Variants in UNKL observed in about 807,000 individuals in gnomAD.
UNKL encodes the protein putative E3 ubiquitin-protein ligase UNKL.
In UNKL, 60 loss-of-function variants were observed where a neutral mutation model predicts 78.0. The observed-to-expected ratio is 0.77, with a 90% CI of 0.63 to 0.95. The LOEUF (loss-of-function observed/expected upper bound fraction) is 0.95. Among genes scored for constraint, UNKL ranks in the 40% least tolerant of loss-of-function variants. UNKL has a pLI of 0.00. For missense variants in UNKL, 1,159 were observed against 1,045.7 expected (o/e 1.11, Z -1.49); for synonymous variants, 608 against 474.8 (o/e 1.28, Z -3.65).
In UNKL at chr16:1,371,082, CA is replaced by C. The variant is rs764163064; in HGVS notation, c.1357+436del. 6.3e-3 allele frequency among the ~76,000 whole-genome samples: 428 copies of C among 67,992 alleles called. 2 individuals carry two copies. Among genetic ancestry groups the C allele is most frequent in the African/African-American group, 8.9e-3 (203 of 22,868 alleles). The allele number at this position is 67,992 out of a possible 152,430, so 44.6% of individuals were successfully genotyped here. A position where few individuals can be genotyped will look rare whatever the true frequency, so the allele number is the denominator to read the frequency against. On this transcript the variant is annotated intron_variant, in intron 11 of 14. Coordinates refer to ENST00000389221, the MANE Select transcript of UNKL (RefSeq NM_001372107.1). ...TGGGCGACAGAGCGAGGCTCTGTCTCAAAAAAAAAAAAAAAAAAAAAGATAC... is the reference window on the plus strand; with the variant it reads ...TGGGCGACAGAGCGAGGCTCTGTCTCAAAAAAAAAAAAAAAAAAAAGATAC...
chr16:1,401,743 G>A, intron 3 of UNKL, 42 bp from the exon 4 acceptor site: 3 of 1,572,742 alleles, frequency 1.9e-6, no homozygotes, highest in Non-Finnish European at 2.6e-6. Context: ...TGCATCTGGA[G>A]CCTCCAAAGC....
At position 1,363,564 on chromosome 16, in the gene UNKL, C is replaced by T. The variant is rs550237556; in HGVS notation, c.*2676G>A. 9.3e-4 allele frequency: 205 copies of T among 219,598 alleles called. No individual in the cohort carries two copies. Among genetic ancestry groups the T allele is most frequent in the African/African-American group, 4.4e-3 (189 of 42,902 alleles). The allele number at this position is 219,598 out of a possible 1,614,324, so 13.6% of individuals were successfully genotyped here. A position where few individuals can be genotyped will look rare whatever the true frequency, so the allele number is the denominator to read the frequency against. ...GGCAACAAGAACATGCAGAGCCGGC[C>T]GCCAGCCAGCTCCTACGCCCCGTGC... On this transcript the variant is annotated 3_prime_UTR_variant, in exon 15 of 15. Coordinates refer to ENST00000389221, the MANE Select transcript of UNKL (RefSeq NM_001372107.1).
At position 1,366,020 on chromosome 16, in the gene UNKL, T is replaced by C. The variant is rs893461899; in HGVS notation, c.*220A>G. The stretch of plus-strand genomic sequence containing the variant: ...TTTAAGGTTTTTGAGGAAAATACCT[T>C]GAAACCGTCGGTAGGACTAGATAGG... On this transcript the variant is annotated 3_prime_UTR_variant, in exon 15 of 15. Coordinates refer to ENST00000389221, the MANE Select transcript of UNKL (RefSeq NM_001372107.1). The C allele has an allele frequency of 6.2e-6, 3 of 481,790 alleles. No homozygotes were observed. Among genetic ancestry groups the C allele is most frequent in the Non-Finnish European group, 1.0e-5 (3 of 287,178 alleles). 29.8% of individuals were successfully genotyped at this position (481,790 alleles called of 1,614,324 possible).
At position 1,366,413 on chromosome 16, in the gene UNKL, T is replaced by A; in HGVS notation, c.2047-18A>T. 1 of 1,564,254 alleles carries A rather than the reference T, an allele frequency of 6.4e-7. No homozygotes were observed. On this transcript the variant is annotated intron_variant, in intron 14 of 14. Transcript: ENST00000389221. ...AAGATCACCTGCAGGGCCAGAACAATGACGGGCTCAGGAGGCCCCTGCCCA... is the reference window on the plus strand; with the variant it reads ...AAGATCACCTGCAGGGCCAGAACAAAGACGGGCTCAGGAGGCCCCTGCCCA...
At chr16:1,404,200 CAAGGGCCAAG>C (rs2037651700) in intron 2 of UNKL, among the ~76,000 whole-genome samples, 1 of 152,178 alleles carries the variant, frequency 6.6e-6, no homozygotes, top group Non-Finnish European at 1.5e-5. Flanking sequence ...CTGAGTGGCC[CAAGGGCCAAG>C]GCAGAGGATG....
At chr16:1,396,491 G>A (rs139904361) in intron 6 of UNKL, among the ~76,000 whole-genome samples, 16 of 149,244 alleles carry the variant, frequency 1.1e-4, no homozygotes, top group African/African-American at 4.0e-4. Context: ...GACCAGGCTG[G>A]TTTCGAACCC....
Position 1,367,101 on chromosome 16 carries a change from C to A in UNKL, c.2037G>T (p.Ala679=), listed in dbSNP as rs1317737822. ...LQSQLRLDLE[A]VDGVIFQLRA... ...CCAGAGCAGGACTCACGCCGTCCAC[C>A]GCCTCCAGGTCCAGGCGCAGCTGAC... Residue 679 remains alanine (A), a synonymous_variant, in exon 14 of 15, where the codon GCG becomes GCT. Coordinates refer to ENST00000389221, the MANE Select transcript of UNKL (RefSeq NM_001372107.1). The A allele has an allele frequency of 6.4e-6, 10 of 1,567,916 alleles. No individual in the cohort carries two copies. The highest frequency in any genetic ancestry group is 5.4e-5 in the Admixed American group (3 of 55,610).
intron 6 of UNKL, chr16:1,395,783 C>A (rs531594338): frequency 2.4e-4 from 108 of 456,148 alleles, no homozygotes; most frequent in Non-Finnish European, 4.2e-4. Flanking sequence ...ACACAGAAAA[C>A]GCCCCGGACA....
At chr16:1,386,695 A>C (rs533961973) in intron 9 of UNKL, among the ~76,000 whole-genome samples, 1 of 152,338 alleles carries the variant, frequency 6.6e-6, no homozygotes, top group East Asian at 1.9e-4. Flanking sequence ...TCCATAATGA[A>C]GAAATTTTAA....
At chr16:1,397,341 C>CCCACCACCCCCAT (rs2037318531) in intron 5 of UNKL, 46 bp from the exon 6 acceptor site, 1 of 65,432 alleles carries the variant, frequency 1.5e-5, no homozygotes, top group African/African-American at 2.7e-4. Context: ...CTTGGCTCCC[C>CCCACCACCCCCAT]GCCCCCCACC....
intron 14 of UNKL, 103 bp from the exon 15 acceptor site, chr16:1,366,498 C>T: frequency 2.2e-6 from 3 of 1,379,168 alleles, no homozygotes; most frequent in Non-Finnish European, 2.9e-6. Flanking sequence ...CTCAGGCCGC[C>T]CGGCCACCAG....
Position 1,397,246 on chromosome 16 carries a change from A to G in UNKL, c.784T>C (p.Ser262Pro). Residue 262 changes from serine (S) to proline (P), a missense_variant, in exon 6 of 15, where the codon TCA becomes CCA. By Grantham distance (74) the Ser-to-Pro change is moderately conservative. Transcript: ENST00000389221. Reference protein sequence around the residue: ...VKHGDEWGEPSRCDGGDGCQY... With the variant: ...VKHGDEWGEPPRCDGGDGCQY... ...CAGCCGTCGCCGCCATCGCAGCGTG[A>G]GGGTTCCCCCCACTCATCCCCGTGC... The G allele has an allele frequency of 1.3e-6, 2 of 1,542,872 alleles. No individual in the cohort carries two copies. Among genetic ancestry groups the G allele is most frequent in the Non-Finnish European group, 1.7e-6 (2 of 1,146,912 alleles).
rs764337823 is a variant in UNKL, at chr16:1,403,890, C to T, written c.288-546G>A. Among the ~76,000 whole-genome samples the T allele has an allele frequency of 1.6e-4, 25 of 152,070 alleles. No individual in the cohort carries two copies. The highest frequency in any genetic ancestry group is 3.1e-4 in the Non-Finnish European group (21 of 68,010). On this transcript the variant is annotated intron_variant, in intron 2 of 14. Coordinates refer to ENST00000389221, the MANE Select transcript of UNKL (RefSeq NM_001372107.1). The surrounding 1 kb of genome is among the most constrained non-coding windows in gnomAD (Gnocchi z 4.8). ...GATGGGCAGAAGAGGCGGCAGATGG[C>T]GTGGTGGGGAACACAGGTGAGGTAG...
At chr16:1,378,964 G>A (rs1458210355) in intron 10 of UNKL, 1 of 152,274 alleles carries the variant, frequency 6.6e-6, no homozygotes, top group African/African-American at 2.4e-5. Context: ...CTCAAAGAAA[G>A]AGCTGACCCT....
Position 1,414,063 on chromosome 16 carries a change from CACAG to C in UNKL, c.78-12_78-9del. 4.6e-6 allele frequency: 7 copies of C among 1,531,892 alleles called. No individual in the cohort carries two copies. Among genetic ancestry groups the C allele is most frequent in the Non-Finnish European group, 6.2e-6 (7 of 1,133,280 alleles). The allele number at this position is 1,531,892 out of a possible 1,614,324, so 94.9% of individuals were successfully genotyped here. On this transcript the variant is annotated splice_polypyrimidine_tract_variant and intron_variant, in intron 1 of 14. Transcript: ENST00000389221. ...CTGAACTCCTTCAGGTACCTACAAA[CACAG>C]ACAGCGCCGCGGCTCGCTTCCGGCA...
Position 1,370,341 on chromosome 16 carries a change from G to C in UNKL, c.1374C>G (p.Ala458=), listed in dbSNP as rs566933782. ...CGGGGATGGCGACAGGTGCAGAGCCGGCCAGCGACCTGGGACCTGGCGGGG... is the reference window on the plus strand; with the variant it reads ...CGGGGATGGCGACAGGTGCAGAGCCCGCCAGCGACCTGGGACCTGGCGGGG... ...DLGAAGPRSL[A]GSAPVAIPGS... The change falls in exon 12 of 15, where the codon GCC becomes GCG. Residue 458 remains alanine (A), a synonymous_variant. Coordinates refer to ENST00000389221, the MANE Select transcript of UNKL (RefSeq NM_001372107.1). 2 of 1,532,746 alleles carry C rather than the reference G, an allele frequency of 1.3e-6. No individual in the cohort carries two copies. The highest frequency in any genetic ancestry group is 1.7e-6 in the Non-Finnish European group (2 of 1,145,980). The allele number at this position is 1,532,746 out of a possible 1,614,324, so 94.9% of individuals were successfully genotyped here. A position where few individuals can be genotyped will look rare whatever the true frequency, so the allele number is the denominator to read the frequency against.
intron 14 of UNKL, 65 bp from the exon 15 acceptor site, chr16:1,366,460 G>C (rs891205814): frequency 4.0e-6 from 6 of 1,481,830 alleles, no homozygotes; most frequent in East Asian, 4.9e-5. Context: ...CTGGGGAGCC[G>C]GAGGGCCTTC....
At chr16:1,371,424 G>A in intron 11 of UNKL, 95 bp downstream of exon 11, 3 of 1,268,776 alleles carry the variant, frequency 2.4e-6, no homozygotes, top group Non-Finnish European at 3.3e-6. Flanking sequence ...GCTCACTGCA[G>A]CCTTGACCTC....
chr16:1,379,691 C>T (rs886685111), intron 10 of UNKL: 7 of 984,488 alleles, frequency 7.1e-6, no homozygotes, highest in Non-Finnish European at 8.4e-6. Flanking sequence ...AAACCCGGCC[C>T]GCGCCCCGCC....
Sources: allele counts gnomAD v4.1 joint callset (sites outside exome capture counted in the v4.1 genomes callset), GRCh38; gene constraint gnomAD v4.1.1; non-coding constraint Gnocchi (gnomAD v3.1); transcripts MANE v1.5; gene names NCBI Gene and HGNC (gene_info 2026-07-23, HGNC 2026-07-21).